The following TERF2IP variants were observed in gnomAD, a reference collection of about 807,000 sequenced individuals.
TERF2IP encodes the protein TERF2 interacting protein, also known as telomeric repeat-binding factor 2-interacting protein 1.
Under a neutral mutation model 33.3 loss-of-function variants are expected in TERF2IP, and 35 were observed. The observed-to-expected ratio is 1.05, with a 90% CI of 0.80 to 1.39. TERF2IP has a LOEUF of 1.39. TERF2IP is among the 40% of genes most tolerant of loss of function. TERF2IP has a pLI of 0.00. For synonymous variants in TERF2IP, 253 were observed against 223.2 expected (o/e 1.13, Z -1.19); for missense variants, 583 against 524.8 (o/e 1.11, Z -1.08).
chr16:75,652,248 G>T (rs7186790), intron 1 of TERF2IP, among the ~76,000 whole-genome samples: 16,638 of 152,116 alleles, frequency 0.11, 1,777 homozygotes, highest in African/African-American at 0.28. Flanking sequence ...AGTAATACTA[G>T]CACACTAGAC....
rs1567511565 is a variant in TERF2IP at position 75,656,632 on chromosome 16, G to A, written c.*21G>A. ...AATAATTGGCAAGATAATGAGAAAA[G>A]AAAAAAGTCATGGTAGGTGAGGTGG... On this transcript the variant is annotated 3_prime_UTR_variant, in exon 3 of 3. Coordinates refer to ENST00000300086, the MANE Select transcript of TERF2IP (RefSeq NM_018975.4). 1.6e-5 allele frequency: 25 copies of A among 1,567,408 alleles called. No individual in the cohort carries two copies. The Admixed American group carries it at 1.8e-4, about 11-fold the overall frequency.
chr16:75,652,351 A>G (rs1407273814), intron 1 of TERF2IP, among the ~76,000 whole-genome samples: 1 of 152,150 alleles, frequency 6.6e-6, no homozygotes, highest in African/African-American at 2.4e-5. Context: ...ATTCTTTTCT[A>G]ATTGATTGCA....
In TERF2IP at chr16:75,656,318, GAAGAAA is replaced by G. The variant is rs755577884; in HGVS notation, c.911_916del (p.Glu304_Lys305del). The G allele has an allele frequency of 2.5e-6, 4 of 1,614,048 alleles. No individual in the cohort carries two copies. Among genetic ancestry groups the G allele is most frequent in the East Asian group, 2.2e-5 (1 of 44,896 alleles). ...GCCTGATGAGGAGGAAGAAGAAGAAGAAGAAAAAGTTTCTCAACCAGAGGTGGGAGC... is the reference window on the plus strand; with the variant it reads ...GCCTGATGAGGAGGAAGAAGAAGAAGAAGTTTCTCAACCAGAGGTGGGAGC... On this transcript the variant is annotated inframe_deletion, in exon 3 of 3. Transcript: ENST00000300086.
intron 2 of TERF2IP, among the ~76,000 whole-genome samples, chr16:75,655,254 T>G (rs2082376351): frequency 6.6e-6 from 1 of 152,264 alleles, no homozygotes; most frequent in African/African-American, 2.4e-5. Flanking sequence ...ATGTTTTAGC[T>G]CTTCCATATT....
chr16:75,652,846 G>C (rs904431725), intron 1 of TERF2IP, among the ~76,000 whole-genome samples: 4 of 152,138 alleles, frequency 2.6e-5, no homozygotes, highest in African/African-American at 7.2e-5. Flanking sequence ...TTCTAAAACT[G>C]AAACTCCATG....
At chr16:75,655,875 C>T (rs994483817) in intron 2 of TERF2IP, among the ~76,000 whole-genome samples, 1 of 151,728 alleles carries the variant, frequency 6.6e-6, no homozygotes, top group African/African-American at 2.4e-5. Flanking sequence ...GTGTCTCTCT[C>T]TTTATATATA....
intron 2 of TERF2IP, among the ~76,000 whole-genome samples, chr16:75,655,018 G>A (rs537809706): frequency 4.6e-4 from 70 of 151,948 alleles, no homozygotes; most frequent in African/African-American, 1.7e-3. Context: ...GTGAGCCACC[G>A]CTTTTTGTAT....
In TERF2IP at chr16:75,654,336, A is replaced by T; in HGVS notation, c.734A>T (p.Glu245Val). The T allele has an allele frequency of 6.2e-7, 1 of 1,613,992 alleles. No individual in the cohort carries two copies. The highest frequency in any genetic ancestry group is 8.5e-7 in the Non-Finnish European group (1 of 1,179,902). Residue 245 changes from glutamate (E) to valine (V), a missense_variant, in exon 2 of 3, where the codon GAG becomes GTG. Coordinates refer to ENST00000300086, the MANE Select transcript of TERF2IP (RefSeq NM_018975.4). Reference sequence around the variant, plus strand: ...GAGTATGTGAAGGAAGAAATCCAGGAGAATGAAGAAGCAGTCAAAAAGATG... The same window carrying T: ...GAGTATGTGAAGGAAGAAATCCAGGTGAATGAAGAAGCAGTCAAAAAGATG... Reference protein sequence around the residue: ...EEEYVKEEIQENEEAVKKMLV... With the variant: ...EEEYVKEEIQVNEEAVKKMLV...
At position 75,648,444 on chromosome 16, in the gene TERF2IP, C is replaced by G. The variant is rs1458991052; in HGVS notation, c.562C>G (p.Leu188Val). 1 of 1,602,624 alleles carries G rather than the reference C, an allele frequency of 6.2e-7. No individual in the cohort carries two copies. Among genetic ancestry groups the G allele is most frequent in the Non-Finnish European group, 8.5e-7 (1 of 1,175,524 alleles). The change falls in exon 1 of 3, where the codon CTG becomes GTG. Residue 188 changes from leucine (L) to valine (V), a missense_variant. Coordinates refer to ENST00000300086, the MANE Select transcript of TERF2IP (RefSeq NM_018975.4). The stretch of plus-strand genomic sequence containing the variant: ...CCTGAAGGACCGCTACCTCAAGCAC[C>G]TGCGGGGCCAGGAGCATAAGTACCT... The part of the protein sequence containing the change: ...QSLKDRYLKH[L>V]RGQEHKYLLG...
Position 75,648,240 on chromosome 16 carries a change from G to A in TERF2IP, c.358G>A (p.Glu120Lys), listed in dbSNP as rs758236994. The A allele has an allele frequency of 5.2e-6, 8 of 1,545,088 alleles. No individual in the cohort carries two copies. In the South Asian group the frequency reaches 7.2e-5, roughly 14 times the overall value. ...GSEAKPGALA[E>K]GAAEPEPQRH... Reference sequence around the variant, plus strand: ...GGAAGCAAAGCCCGGGGCCCTGGCCGAGGGCGCCGCGGAGCCGGAGCCGCA... The same window carrying A: ...GGAAGCAAAGCCCGGGGCCCTGGCCAAGGGCGCCGCGGAGCCGGAGCCGCA... The change falls in exon 1 of 3, where the codon GAG becomes AAG. Residue 120 changes from glutamate to lysine, a missense_variant. Transcript: ENST00000300086.
rs2082314744 is a variant in TERF2IP, at chr16:75,648,077, C to T, written c.195C>T (p.Ala65=). Residue 65 remains alanine, a synonymous_variant, in exon 1 of 3, where the codon GCC becomes GCT. Coordinates refer to ENST00000300086, the MANE Select transcript of TERF2IP (RefSeq NM_018975.4). Reference sequence around the variant, plus strand: ...AGGAGCCCGGGGCCGTGCTGCTGGCCCAGCCCGGGGAGGCGCTGGCCGAGG... The same window carrying T: ...AGGAGCCCGGGGCCGTGCTGCTGGCTCAGCCCGGGGAGGCGCTGGCCGAGG... The part of the protein sequence containing the change: ...RVQEPGAVLL[A]QPGEALAEAS... 1 of 1,577,612 alleles carries T rather than the reference C, an allele frequency of 6.3e-7. No homozygotes were observed. The highest frequency in any genetic ancestry group is 1.3e-5 in the African/African-American group (1 of 74,128).
At chr16:75,655,611 A>T (rs2151820449) in intron 2 of TERF2IP, among the ~76,000 whole-genome samples, 1 of 152,270 alleles carries the variant, frequency 6.6e-6, no homozygotes, top group Middle Eastern at 3.4e-3. Context: ...AACTTCAAAC[A>T]CTCAGCTCTC....
At position 75,654,368 on chromosome 16, in the gene TERF2IP, G is replaced by A; in HGVS notation, c.766G>A (p.Glu256Lys). 1 of 1,613,940 alleles carries A rather than the reference G, an allele frequency of 6.2e-7. No individual in the cohort carries two copies. Among genetic ancestry groups the A allele is most frequent in the Non-Finnish European group, 8.5e-7 (1 of 1,179,886 alleles). Residue 256 changes from glutamate (E) to lysine (K), a missense_variant, in exon 2 of 3, where the codon GAA (glutamate) becomes AAA (lysine). Coordinates refer to ENST00000300086, the MANE Select transcript of TERF2IP (RefSeq NM_018975.4). ...NEEAVKKMLVEATREFEEVVV... is the reference protein window; with the variant it reads ...NEEAVKKMLVKATREFEEVVV... ...AGAAGCAGTCAAAAAGATGCTTGTG[G>A]AAGCCACCCGGGAGTTTGAGGAGGT...
At chr16:75,650,059 A>G (rs1331789984) in intron 1 of TERF2IP, among the ~76,000 whole-genome samples, 1 of 152,170 alleles carries the variant, frequency 6.6e-6, no homozygotes, top group Non-Finnish European at 1.5e-5. Context: ...TTGTTTTGGT[A>G]AAAGTGACAT....
chr16:75,655,942 A>G (rs1288612028), intron 2 of TERF2IP, among the ~76,000 whole-genome samples: 1 of 152,134 alleles, frequency 6.6e-6, no homozygotes, highest in Non-Finnish European at 1.5e-5. Flanking sequence ...ACTATAGTCA[A>G]TTATACACAC....
At position 75,647,862 on chromosome 16, in the gene TERF2IP, T is replaced by C. The variant is rs1230844437; in HGVS notation, c.-21T>C. The C allele has an allele frequency of 3.1e-6, 5 of 1,601,576 alleles. No individual in the cohort carries two copies. Among genetic ancestry groups the C allele is most frequent in the Admixed American group, 1.7e-5 (1 of 58,974 alleles). On this transcript the variant is annotated 5_prime_UTR_variant, in exon 1 of 3. Transcript: ENST00000300086. ...GGCGCTCGCGAGGGGGTAGCTCTTC[T>C]AGTAGTGCTCGGCGTCAGACATGGC...
At chr16:75,648,753 C>T in intron 1 of TERF2IP, 1 of 1,390,816 alleles carries the variant, frequency 7.2e-7, no homozygotes, top group East Asian at 2.6e-5. Flanking sequence ...TGCGATGGGT[C>T]TCTGTTACCT....
chr16:75,648,433 A>T lies in TERF2IP; in HGVS notation c.551A>T (p.Tyr184Phe). 1 of 1,603,534 alleles carries T rather than the reference A, an allele frequency of 6.2e-7. No homozygotes were observed. Among genetic ancestry groups the T allele is most frequent in the Non-Finnish European group, 8.5e-7 (1 of 1,175,818 alleles). Reference protein sequence around the residue: ...QHSWQSLKDRYLKHLRGQEHK... With the variant: ...QHSWQSLKDRFLKHLRGQEHK... ...TCGTGGCAGTCCCTGAAGGACCGCT[A>T]CCTCAAGCACCTGCGGGGCCAGGAG... Residue 184 changes from tyrosine to phenylalanine, a missense_variant, in exon 1 of 3, where the codon TAC becomes TTC. Physicochemically the swap from Tyr to Phe is conservative, Grantham distance 22. Coordinates refer to ENST00000300086, the MANE Select transcript of TERF2IP (RefSeq NM_018975.4).
At chr16:75,651,643 C>T (rs1387770225) in intron 1 of TERF2IP, among the ~76,000 whole-genome samples, 3 of 152,082 alleles carry the variant, frequency 2.0e-5, no homozygotes, top group African/African-American at 7.2e-5. Flanking sequence ...GAGCTGAGAT[C>T]AAGCCCCTGC....
Sources: gnomAD v4.1 joint callset for allele counts (sites outside exome capture counted in the v4.1 genomes callset) on GRCh38, gnomAD v4.1.1 for gene constraint, MANE v1.5 for transcripts, NCBI Gene and HGNC (gene_info 2026-07-23, HGNC 2026-07-21) for gene names.